The following SCAPER variants were observed in gnomAD, a reference collection of about 807,000 sequenced individuals.
SCAPER encodes the protein S phase cyclin A-associated protein in the endoplasmic reticulum.
Under a neutral mutation model 182.2 loss-of-function variants are expected in SCAPER, and 98 were observed. The ratio of observed to expected loss-of-function variants is 0.54; its 90% CI spans 0.46 to 0.64. The LOEUF (loss-of-function observed/expected upper bound fraction) is 0.64. Among genes scored for constraint, SCAPER ranks in the 30% least tolerant of loss-of-function variants. The probability of loss-of-function intolerance (pLI) is 0.00; values close to 1 mark genes in which losing one functional copy is unlikely to be tolerated. For missense variants in SCAPER, 1,432 were observed against 1,690.0 expected (o/e 0.85, Z 2.68); for synonymous variants, 605 against 564.6 (o/e 1.07, Z -1.01).
Position 76,795,357 on chromosome 15 carries a change from C to A in SCAPER, c.695G>T (p.Gly232Val). 2 of 1,613,284 alleles carry A rather than the reference C, an allele frequency of 1.2e-6. No homozygotes were observed. The highest frequency in any genetic ancestry group is 1.7e-4 in the Middle Eastern group (1 of 6,052). The change falls in exon 8 of 32, where the codon GGC becomes GTC. Residue 232 changes from glycine to valine, a missense_variant. Physicochemically the swap from Gly to Val is moderately radical, Grantham distance 109. Coordinates refer to ENST00000563290, the MANE Select transcript of SCAPER (RefSeq NM_020843.4). ...WADKVKAHHT[G>V]STASSEITPA... ...TGTTATTTCTGAAGAAGCAGTAGAG[C>A]CTGTATGATGAGCCTTTACCTTGTC...
chr15:76,831,390 C>T (rs972354897), intron 5 of SCAPER, among the ~76,000 whole-genome samples: 1 of 151,976 alleles, frequency 6.6e-6, no homozygotes, highest in South Asian at 2.1e-4. Flanking sequence ...TCCCAGCCCC[C>T]ACCCTCCCAT....
At chr15:76,664,782 T>C (rs1397510143) in intron 21 of SCAPER, among the ~76,000 whole-genome samples, 1 of 151,990 alleles carries the variant, frequency 6.6e-6, no homozygotes, top group African/African-American at 2.4e-5. Context: ...AAAACTAAAA[T>C]CAAAAAAGCC....
At chr15:76,535,371 A>C (rs1420799568) in intron 23 of SCAPER, among the ~76,000 whole-genome samples, 2 of 151,188 alleles carry the variant, frequency 1.3e-5, no homozygotes, top group Non-Finnish European at 2.9e-5. Context: ...AAAAAACAAA[A>C]ATTAGCCAGG....
chr15:76,770,402 G>T (rs1266725968), intron 10 of SCAPER, among the ~76,000 whole-genome samples: 2 of 151,710 alleles, frequency 1.3e-5, no homozygotes, highest in Non-Finnish European at 2.9e-5. Flanking sequence ...CATCACTACA[G>T]GAATTCTCTG....
intron 10 of SCAPER, among the ~76,000 whole-genome samples, chr15:76,769,638 C>T (rs111845525): frequency 1.6e-3 from 242 of 150,830 alleles, no homozygotes; most frequent in Non-Finnish European, 2.0e-3. Flanking sequence ...CCAGTTAGAA[C>T]GGCGATCATT....
chr15:76,704,596 C>T (rs925340558), intron 18 of SCAPER, among the ~76,000 whole-genome samples: 1 of 152,150 alleles, frequency 6.6e-6, no homozygotes, highest in African/African-American at 2.4e-5. Flanking sequence ...TTCCCCATTG[C>T]TTGTTTTTCT....
At chr15:76,612,913 A>T (rs2051130989) in intron 22 of SCAPER, among the ~76,000 whole-genome samples, 1 of 152,234 alleles carries the variant, frequency 6.6e-6, no homozygotes, top group Non-Finnish European at 1.5e-5. Context: ...ACAGAACTAT[A>T]AAAAACTATT....
In SCAPER at chr15:76,621,773, T is replaced by C. The variant is rs777476826; in HGVS notation, c.2702A>G (p.Tyr901Cys). 3.2e-5 allele frequency: 51 copies of C among 1,606,868 alleles called. No individual in the cohort carries two copies. The highest frequency in any genetic ancestry group is 3.3e-4 in the Middle Eastern group (2 of 6,052). ...AATGTGGAATACTCACTTTGCTTTA[T>C]AAGGTGAATCAGAGCCAGAATTTTT... ...ETKNSGSDSPYKAKLQRLAKD... is the reference protein window; with the variant it reads ...ETKNSGSDSPCKAKLQRLAKD... The change falls in exon 22 of 32, where the codon TAT becomes TGT. Residue 901 changes from tyrosine to cysteine, a missense_variant. Coordinates refer to ENST00000563290, the MANE Select transcript of SCAPER (RefSeq NM_020843.4).
intron 22 of SCAPER, among the ~76,000 whole-genome samples, chr15:76,620,785 T>C (rs1255455032): frequency 6.6e-6 from 1 of 151,904 alleles, no homozygotes; most frequent in African/African-American, 2.4e-5. Context: ...TTCTCACTTA[T>C]AAGGGGGAGT....
chr15:76,624,567 A>G (rs1414395165), intron 21 of SCAPER, among the ~76,000 whole-genome samples: 1 of 152,118 alleles, frequency 6.6e-6, no homozygotes, highest in East Asian at 1.9e-4. Flanking sequence ...GTATTTTGTC[A>G]CCTTATGATG....
chr15:76,866,720 T>C (rs562177926), intron 2 of SCAPER, among the ~76,000 whole-genome samples: 119 of 152,320 alleles, frequency 7.8e-4, no homozygotes, highest in African/African-American at 2.7e-3. Context: ...CTTATAAAAA[T>C]GTCAGTAGTA....
At chr15:76,697,624 A>G (rs917140871) in intron 20 of SCAPER, among the ~76,000 whole-genome samples, 3 of 152,094 alleles carry the variant, frequency 2.0e-5, no homozygotes, top group African/African-American at 7.2e-5. Flanking sequence ...TAGCTGTTTT[A>G]TTAATGGAAA....
At chr15:76,539,542 T>C (rs1021476894) in intron 23 of SCAPER, among the ~76,000 whole-genome samples, 11 of 129,434 alleles carry the variant, frequency 8.5e-5, no homozygotes, top group Non-Finnish European at 1.7e-4. Flanking sequence ...AAAATCAAAA[T>C]TTCTTTTTTT....
In SCAPER at chr15:76,720,497, T is replaced by A. The variant is rs570563501; in HGVS notation, c.2165+8098A>T. Among the ~76,000 whole-genome samples the A allele has an allele frequency of 5.0e-4, 76 of 152,320 alleles. 1 individual carries two copies. Among genetic ancestry groups the A allele is most frequent in the Admixed American group, 1.8e-3 (27 of 15,302 alleles). On this transcript the variant is annotated intron_variant, in intron 17 of 31. Transcript: ENST00000563290. ...TTTCTAGTTCTAGATCCCTGAGGAA[T>A]CACCACACTGACTTCCACAATGGTT...
intron 4 of SCAPER, among the ~76,000 whole-genome samples, chr15:76,847,835 T>C (rs963031589): frequency 5.9e-5 from 9 of 152,112 alleles, no homozygotes; most frequent in Non-Finnish European, 1.2e-4. Context: ...GTGGAAGGAC[T>C]GCTTGAGCCC....
At chr15:76,466,963 G>A (rs1345134209) in intron 25 of SCAPER, among the ~76,000 whole-genome samples, 2 of 152,074 alleles carry the variant, frequency 1.3e-5, no homozygotes, top group African/African-American at 2.4e-5. Context: ...GGGCCTGGTG[G>A]GAGGTGACTG....
rs1394813086 is a variant in SCAPER, at chr15:76,600,479, C to T, written c.2711+21285G>A. On this transcript the variant is annotated intron_variant, in intron 22 of 31. Coordinates refer to ENST00000563290, the MANE Select transcript of SCAPER (RefSeq NM_020843.4). ...TTTTTTTTTTTTTGAGATGAAGTCTCGCTCTTGTCACCCAGGCTGGAGTGC... is the reference window on the plus strand; with the variant it reads ...TTTTTTTTTTTTTGAGATGAAGTCTTGCTCTTGTCACCCAGGCTGGAGTGC... Among the ~76,000 whole-genome samples the T allele has an allele frequency of 3.8e-5, 4 of 106,060 alleles. 1 individual carries two copies. The highest frequency in any genetic ancestry group is 8.3e-5 in the African/African-American group (3 of 36,128). The allele number at this position is 106,060 out of a possible 152,430, so 69.6% of individuals were successfully genotyped here.
chr15:76,741,286 G>C (rs915228394), intron 15 of SCAPER, among the ~76,000 whole-genome samples: 1 of 152,052 alleles, frequency 6.6e-6, no homozygotes, highest in Non-Finnish European at 1.5e-5. Flanking sequence ...GGGTGGGATT[G>C]AGTTTCCTTT....
chr15:76,503,531 T>G (rs145072461), intron 24 of SCAPER, among the ~76,000 whole-genome samples: 23 of 152,344 alleles, frequency 1.5e-4, no homozygotes, highest in African/African-American at 5.3e-4. Flanking sequence ...AAACTCTCAC[T>G]TAACATTTAT....
Sources: allele counts gnomAD v4.1 joint callset (sites outside exome capture counted in the v4.1 genomes callset), GRCh38; gene constraint gnomAD v4.1.1; transcripts MANE v1.5; gene names NCBI Gene and HGNC (gene_info 2026-07-23, HGNC 2026-07-21).